Variants in MUC5B observed in about 807,000 individuals in gnomAD.
MUC5B encodes mucin-5B.
MUC5B carries 116 observed loss-of-function variants against 376.9 expected under a neutral mutation model. The observed-to-expected ratio is 0.31, with a 90% CI of 0.26 to 0.36. The LOEUF is 0.36. MUC5B is among the 10% of genes least tolerant of loss of function. The pLI, the probability that MUC5B is intolerant of heterozygous loss-of-function variation, is 1.00. For missense variants in MUC5B, 7,165 were observed against 7,769.9 expected (o/e 0.92, Z 2.93); for synonymous variants, 3,517 against 3,390.9 (o/e 1.04, Z -1.29).
In MUC5B at chr11:1,239,986, G is replaced by T. The variant is rs376242243; in HGVS notation, c.3728+43G>T. The T allele has an allele frequency of 1.3e-4, 214 of 1,608,596 alleles. 1 individual carries two copies. The highest frequency in any genetic ancestry group is 1.7e-4 in the Non-Finnish European group (196 of 1,177,382). ...GGGTGGCGCTGGGGGAGCAGGGCTG[G>T]GGAGCAGGCCCTGCAGGCTGCCCCC... On this transcript the variant is annotated intron_variant, in intron 28 of 48. Transcript: ENST00000529681.
chr11:1,230,985 C>G lies in MUC5B; in HGVS notation c.1520C>G (p.Thr507Arg), dbSNP rs201605309. Residue 507 changes from threonine (T) to arginine (R), a missense_variant, in exon 13 of 49, where the codon ACG becomes AGG. Transcript: ENST00000529681. ...GGCGTGTTCCTCAACTCCATCTACACGCAGCTGCCCCTGTCGGCAGGTATG... is the reference window on the plus strand; with the variant it reads ...GGCGTGTTCCTCAACTCCATCTACAGGCAGCTGCCCCTGTCGGCAGGTATG... ...DGGVFLNSIY[T>R]QLPLSAANIT... 4 of 1,598,114 alleles carry G rather than the reference C, an allele frequency of 2.5e-6. No homozygotes were observed. Among genetic ancestry groups the G allele is most frequent in the Non-Finnish European group, 2.6e-6 (3 of 1,173,616 alleles).
chr11:1,260,335 CT>C lies in MUC5B; in HGVS notation c.16924-13del, dbSNP rs766357179. 2 of 1,612,036 alleles carry C rather than the reference CT, an allele frequency of 1.2e-6. No individual in the cohort carries two copies. Among genetic ancestry groups the C allele is most frequent in the East Asian group, 4.5e-5 (2 of 44,884 alleles). On this transcript the variant is annotated splice_polypyrimidine_tract_variant and intron_variant, in intron 46 of 48. Coordinates refer to ENST00000529681, the MANE Select transcript of MUC5B (RefSeq NM_002458.3). The stretch of plus-strand genomic sequence containing the variant: ...CCCCGCCCACAGCCCTGCCCCCTGT[CT>C]TTGGCCCCCACCAGGGGAGCCTCAG...
chr11:1,240,733 C>T (rs1564938004), intron 30 of MUC5B, 118 bp from the exon 31 acceptor site: 5 of 1,001,838 alleles, frequency 5.0e-6, no homozygotes, highest in Non-Finnish European at 2.9e-6. Context: ...ACTGGGGTCC[C>T]CAGTATCCCA....
rs370788928 is a variant in MUC5B at position 1,256,811 on chromosome 11, C to T, written c.16237+40C>T. The T allele has an allele frequency of 2.7e-4, 397 of 1,468,306 alleles. 1 individual carries two copies. In the Middle Eastern group the frequency reaches 3.1e-3, roughly 11 times the overall value. The allele number at this position is 1,468,306 out of a possible 1,614,324, so 91.0% of individuals were successfully genotyped here. A position where few individuals can be genotyped will look rare whatever the true frequency, so the allele number is the denominator to read the frequency against. The stretch of plus-strand genomic sequence containing the variant: ...CTGTGGCGGGATACGACCCTGGGCC[C>T]GACCCAAGCACACACAGGGTGGGAG... On this transcript the variant is annotated intron_variant, in intron 39 of 48. Transcript: ENST00000529681.
chr11:1,260,676 G>A lies in MUC5B; in HGVS notation c.17017G>A (p.Glu5673Lys), dbSNP rs577423157. Residue 5673 changes from glutamate (E) to lysine (K), a missense_variant, in exon 48 of 49, where the codon GAG becomes AAG. Physicochemically the swap from Glu to Lys is moderately conservative, Grantham distance 56. Coordinates refer to ENST00000529681, the MANE Select transcript of MUC5B (RefSeq NM_002458.3). ...GACCATCCTGTGGCACCAGGGCTGC[G>A]AGACCGAGGTCAACATCACCTTCTG... ...NTTILWHQGCETEVNITFCEG... is the reference protein window; with the variant it reads ...NTTILWHQGCKTEVNITFCEG... The A allele has an allele frequency of 6.2e-6, 10 of 1,612,618 alleles. No homozygotes were observed. In the East Asian group the frequency reaches 6.7e-5, roughly 11 times the overall value.
At position 1,232,318 on chromosome 11, in the gene MUC5B, C is replaced by T. The variant is rs1271433447; in HGVS notation, c.1844-132C>T. 21 of 1,332,382 alleles carry T rather than the reference C, an allele frequency of 1.6e-5. No homozygotes were observed. The East Asian group carries it at 4.3e-4, about 27-fold the overall frequency. 82.5% of individuals were successfully genotyped at this position (1,332,382 alleles called of 1,614,324 possible). A position where few individuals can be genotyped will look rare whatever the true frequency, so the allele number is the denominator to read the frequency against. ...GGTGCTTGGGGCCAGGCGGCCAGAA[C>T]CCCCCAAGGCGCAGCAGGTGAGCCG... On this transcript the variant is annotated intron_variant, in intron 15 of 48. Transcript: ENST00000529681.
chr11:1,224,356 G>C (rs1173027332), intron 1 of MUC5B, among the ~76,000 whole-genome samples: 2 of 152,006 alleles, frequency 1.3e-5, no homozygotes, highest in Non-Finnish European at 2.9e-5. Flanking sequence ...GGTGGCTGGT[G>C]GTGGGCACTT....
rs780148137 is a variant in MUC5B, at chr11:1,250,844, C to T, written c.13964C>T (p.Thr4655Ile). The T allele has an allele frequency of 6.2e-7, 1 of 1,611,172 alleles. No homozygotes were observed. Among genetic ancestry groups the T allele is most frequent in the East Asian group, 2.2e-5 (1 of 44,726 alleles). ...CACACCGCCAGAGTGCTGACCACCA[C>T]CACCACAACTGTGGCCACTGGTTCT... The part of the protein sequence containing the change: ...TTHTARVLTT[T>I]TTTVATGSMA... The change falls in exon 31 of 49, where the codon ACC becomes ATC. Residue 4655 changes from threonine (T) to isoleucine (I), a missense_variant. Thr to Ile is a moderately conservative substitution (Grantham distance 89, BLOSUM62 -1). Coordinates refer to ENST00000529681, the MANE Select transcript of MUC5B (RefSeq NM_002458.3).
Position 1,251,581 on chromosome 11 carries a change from G to C in MUC5B, c.14701G>C (p.Gly4901Arg). ...ASTVPSSSTV[G>R]TTRTPAVLPS... Reference sequence around the variant, plus strand: ...CACGGTTCCCAGCTCGTCCACCGTGGGGACCACCCGCACCCCTGCAGTGCT... The same window carrying C: ...CACGGTTCCCAGCTCGTCCACCGTGCGGACCACCCGCACCCCTGCAGTGCT... Residue 4901 changes from glycine to arginine, a missense_variant, in exon 31 of 49, where the codon GGG becomes CGG. Coordinates refer to ENST00000529681, the MANE Select transcript of MUC5B (RefSeq NM_002458.3). 1 of 1,612,870 alleles carries C rather than the reference G, an allele frequency of 6.2e-7. No homozygotes were observed. Among genetic ancestry groups the C allele is most frequent in the Non-Finnish European group, 8.5e-7 (1 of 1,179,786 alleles).
intron 22 of MUC5B, 21 bp from the exon 23 acceptor site, chr11:1,235,282 G>C (rs1392134173): frequency 6.2e-7 from 1 of 1,610,716 alleles, no homozygotes; most frequent in African/African-American, 1.3e-5. Context: ...GCGGCCAGCA[G>C]CTTGTCTCTT....
chr11:1,224,521 C>A (rs1165746529), intron 1 of MUC5B, among the ~76,000 whole-genome samples: 1 of 100,152 alleles, frequency 1.0e-5, no homozygotes. Flanking sequence ...AGGGGAGGAG[C>A]TGCCTGGGGC....
rs1181431605 is a variant in MUC5B, at chr11:1,234,199, C to T, written c.2378-6C>T. The T allele has an allele frequency of 1.4e-5, 23 of 1,595,122 alleles. No homozygotes were observed. Among genetic ancestry groups the T allele is most frequent in the Non-Finnish European group, 2.0e-5 (23 of 1,172,708 alleles). ...CAGGACCCCTCCCACCAAGCTCTGT[C>T]CCCAGGGTGTGCAGCCCCCATGGTG... is the stretch of plus-strand genomic sequence containing the variant. On this transcript the variant is annotated splice_polypyrimidine_tract_variant and splice_region_variant and intron_variant, in intron 19 of 48. Coordinates refer to ENST00000529681, the MANE Select transcript of MUC5B (RefSeq NM_002458.3). The surrounding 1 kb of genome is among the most constrained non-coding windows in gnomAD (Gnocchi z 6.3).
At position 1,246,439 on chromosome 11, in the gene MUC5B, C is replaced by G; in HGVS notation, c.9559C>G (p.Arg3187Gly). 1 of 1,613,554 alleles carries G rather than the reference C, an allele frequency of 6.2e-7. No homozygotes were observed. Among genetic ancestry groups the G allele is most frequent in the Non-Finnish European group, 8.5e-7 (1 of 1,179,774 alleles). The change falls in exon 31 of 49, where the codon CGG (arginine) becomes GGG (glycine). Residue 3187 changes from arginine to glycine, a missense_variant. By Grantham distance (125) the Arg-to-Gly change is moderately radical. Transcript: ENST00000529681. ...TGSTATASST[R>G]ATAGTLKVLT... ...ATCCACGGCCACCGCCTCCTCCACC[C>G]GGGCAACTGCTGGCACCCTCAAAGT...
Position 1,261,413 on chromosome 11 carries a change from G to A in MUC5B, c.17094G>A (p.Met5698Ile), listed in dbSNP as rs1016374866. Residue 5698 changes from methionine (M) to isoleucine (I), a missense_variant, in exon 49 of 49, where the codon ATG becomes ATA. Physicochemically the swap from Met to Ile is conservative, Grantham distance 10. Coordinates refer to ENST00000529681, the MANE Select transcript of MUC5B (RefSeq NM_002458.3). ...ASKYSAEAQA[M>I]QHQCTCCQER... ...GGTACTCAGCAGAGGCCCAGGCCAT[G>A]CAGCACCAGTGCACCTGCTGCCAGG... 3.2e-6 allele frequency: 5 copies of A among 1,552,446 alleles called. No homozygotes were observed. The African/African-American group carries it at 5.5e-5, about 17-fold the overall frequency.
At position 1,251,685 on chromosome 11, in the gene MUC5B, C is replaced by T. The variant is rs754052863; in HGVS notation, c.14805C>T (p.Pro4935=). Residue 4935 remains proline (P), a synonymous_variant, in exon 31 of 49, where the codon CCC becomes CCT. Transcript: ENST00000529681. ...CCACCCTGAGACCCACTGGCTTCCC[C>T]AGCTCCCACTTCTCTACTCCCTGCT... ...VLTTLRPTGF[P]SSHFSTPCFC... 3.7e-6 allele frequency: 6 copies of T among 1,612,512 alleles called. No homozygotes were observed. In the East Asian group the frequency reaches 1.1e-4, roughly 30 times the overall value.
Position 1,248,554 on chromosome 11 carries a change from A to G in MUC5B, c.11674A>G (p.Ser3892Gly), listed in dbSNP as rs1410074856. ...GGCACGCACGCCTCCAGTGTGGATC[A>G]GCACAACCACCACACCCACAACCAG... ...GTARTPPVWI[S>G]TTTTPTTSGS... Residue 3892 changes from serine to glycine, a missense_variant, in exon 31 of 49, where the codon AGC (serine) becomes GGC (glycine). This residue lies in a region of MUC5B where 242 missense variants were observed against 199.0 expected (regional missense o/e 1.22). Transcript: ENST00000529681. 6.2e-7 allele frequency: 1 copy of G among 1,613,036 alleles called. No individual in the cohort carries two copies. Among genetic ancestry groups the G allele is most frequent in the Non-Finnish European group, 8.5e-7 (1 of 1,179,634 alleles).
At position 1,249,859 on chromosome 11, in the gene MUC5B, C is replaced by G; in HGVS notation, c.12979C>G (p.Pro4327Ala). The change falls in exon 31 of 49, where the codon CCC becomes GCC. Residue 4327 changes from proline (P) to alanine (A), a missense_variant. Physicochemically the swap from Pro to Ala is conservative, Grantham distance 27. Coordinates refer to ENST00000529681, the MANE Select transcript of MUC5B (RefSeq NM_002458.3). ...CACAGCTACCAGCGTTACACCCATC[C>G]CCTCCTCCACCCTTGGGACCACCGG... ...KSTATSVTPI[P>A]SSTLGTTGTL... The G allele has an allele frequency of 3.7e-6, 6 of 1,613,632 alleles. No individual in the cohort carries two copies. Among genetic ancestry groups the G allele is most frequent in the Non-Finnish European group, 4.2e-6 (5 of 1,179,800 alleles).
At position 1,241,994 on chromosome 11, in the gene MUC5B, G is replaced by A; in HGVS notation, c.5114G>A (p.Ser1705Asn). ...TCAGCCCTTCCAGGGACGACGGGGA[G>A]CTTGGGCACATGGCGCCCCTCACAG... Reference protein sequence around the residue: ...TRSALPGTTGSLGTWRPSQPP... With the variant: ...TRSALPGTTGNLGTWRPSQPP... Residue 1705 changes from serine to asparagine, a missense_variant, in exon 31 of 49, where the codon AGC (serine) becomes AAC (asparagine). Coordinates refer to ENST00000529681, the MANE Select transcript of MUC5B (RefSeq NM_002458.3). 4 of 1,591,010 alleles carry A rather than the reference G, an allele frequency of 2.5e-6. No individual in the cohort carries two copies. The highest frequency in any genetic ancestry group is 1.3e-5 in the African/African-American group (1 of 74,342).
rs1339609590 is a variant in MUC5B at position 1,245,820 on chromosome 11, G to A, written c.8940G>A (p.Thr2980=). The A allele has an allele frequency of 1.2e-5, 20 of 1,613,212 alleles. No homozygotes were observed. The highest frequency in any genetic ancestry group is 1.1e-4 in the African/African-American group (8 of 74,568). ...CCAGCACCCCGGCCACCAGCTCTACGGCCACGCCCTCCTCCACTCCAGGGA... is the reference window on the plus strand; with the variant it reads ...CCAGCACCCCGGCCACCAGCTCTACAGCCACGCCCTCCTCCACTCCAGGGA... ...HCPSTPATSS[T]ATPSSTPGTT... Residue 2980 remains threonine (T), a synonymous_variant, in exon 31 of 49, where the codon ACG becomes ACA. Transcript: ENST00000529681.
Sources: gnomAD v4.1 joint callset for allele counts (sites outside exome capture counted in the v4.1 genomes callset) on GRCh38, gnomAD v4.1.1 for gene constraint, gnomAD v4.1.1 regional missense constraint, Gnocchi (gnomAD v3.1) non-coding constraint, MANE v1.5 for transcripts, NCBI Gene and HGNC (gene_info 2026-07-23, HGNC 2026-07-21) for gene names.